Variants in DGKG observed in about 807,000 individuals in gnomAD.
DGKG encodes DAG kinase gamma.
A neutral mutation model predicts 105.3 loss-of-function variants in DGKG; 78 were observed. The observed-to-expected ratio is 0.74, with a 90% confidence interval of 0.62 to 0.89. The LOEUF (loss-of-function observed/expected upper bound fraction) is 0.89. Ranked by LOEUF, DGKG falls within the 40% of genes least tolerant of loss-of-function variation. The pLI is 0.00. For missense variants in DGKG, 958 were observed against 1,020.1 expected (o/e 0.94, Z 0.83); for synonymous variants, 346 against 367.1 (o/e 0.94, Z 0.66).
chr3:186,295,522 A>ATAG (rs1351246304), intron 5 of DGKG, among the ~76,000 whole-genome samples: 189 of 147,618 alleles, frequency 1.3e-3, no homozygotes, highest in Non-Finnish European at 2.3e-3. Context: ...AATAATAATA[A>ATAG]TAATAGTAAT....
intron 21 of DGKG, among the ~76,000 whole-genome samples, chr3:186,206,351 T>G (rs1259331069): frequency 6.6e-6 from 1 of 151,070 alleles, no homozygotes; most frequent in Non-Finnish European, 1.5e-5. Context: ...ACTACTGCAC[T>G]CCAGCCTGGC....
At chr3:186,299,415 A>C (rs1483315310) in intron 3 of DGKG, among the ~76,000 whole-genome samples, 1 of 151,992 alleles carries the variant, frequency 6.6e-6, no homozygotes, top group Non-Finnish European at 1.5e-5. Context: ...TGGCCTCCCC[A>C]CCCCACTGAG....
At chr3:186,273,694 G>A (rs548512767) in intron 10 of DGKG, among the ~76,000 whole-genome samples, 5 of 152,184 alleles carry the variant, frequency 3.3e-5, no homozygotes, top group South Asian at 4.1e-4. Flanking sequence ...TCTTTAGCCC[G>A]TTGATGCTTG....
chr3:186,299,763 TTTTC>T (rs1560141665), intron 3 of DGKG, among the ~76,000 whole-genome samples: 1 of 149,022 alleles, frequency 6.7e-6, no homozygotes, highest in African/African-American at 2.5e-5. Flanking sequence ...TTTTTTCTTC[TTTTC>T]TCTTTCTTTC....
At chr3:186,335,200 T>G (rs984643300) in intron 1 of DGKG, among the ~76,000 whole-genome samples, 8 of 152,064 alleles carry the variant, frequency 5.3e-5, no homozygotes, top group African/African-American at 1.9e-4. Context: ...GCCTCCCAAG[T>G]AACTGGGACA....
intron 14 of DGKG, 95 bp from the exon 15 acceptor site, chr3:186,261,873 G>A (rs544026763): frequency 1.3e-6 from 1 of 746,060 alleles, no homozygotes; most frequent in Non-Finnish European, 2.2e-6. Flanking sequence ...AGAGGCAGAT[G>A]AGAAGCAGGA....
intron 9 of DGKG, 36 bp downstream of exon 9, chr3:186,279,815 G>A: frequency 1.2e-6 from 2 of 1,606,628 alleles, no homozygotes; most frequent in Non-Finnish European, 1.7e-6. Context: ...GTTCCTGAAT[G>A]GCAAGAGATC....
intron 20 of DGKG, among the ~76,000 whole-genome samples, chr3:186,241,908 C>A (rs1209498950): frequency 1.3e-5 from 2 of 152,156 alleles, no homozygotes; most frequent in African/African-American, 4.8e-5. Context: ...CATTTTTGAA[C>A]CTAACTTGGT....
At chr3:186,285,230 G>A (rs1723008563) in intron 6 of DGKG, among the ~76,000 whole-genome samples, 1 of 152,202 alleles carries the variant, frequency 6.6e-6, no homozygotes, top group South Asian at 2.1e-4. Context: ...AGATTAATGT[G>A]TAACTGATAG....
chr3:186,235,853 G>T (rs1310849950), intron 20 of DGKG, among the ~76,000 whole-genome samples: 1 of 152,082 alleles, frequency 6.6e-6, no homozygotes, highest in Non-Finnish European at 1.5e-5. Context: ...CTGACCACAG[G>T]GCCACTTGCC....
At chr3:186,241,722 A>C (rs1239316823) in intron 20 of DGKG, among the ~76,000 whole-genome samples, 2 of 152,174 alleles carry the variant, frequency 1.3e-5, no homozygotes, top group African/African-American at 4.8e-5. Flanking sequence ...GAAATAGTAC[A>C]ACAAAGAAAA....
chr3:186,279,743 G>A (rs576543750), intron 9 of DGKG, 108 bp downstream of exon 9: 70 of 1,337,844 alleles, frequency 5.2e-5, no homozygotes, highest in East Asian at 9.6e-5. Context: ...GTCATGGCAC[G>A]TCTGTTGGGC....
chr3:186,204,984 C>G (rs1402828643), intron 21 of DGKG, among the ~76,000 whole-genome samples: 2 of 152,094 alleles, frequency 1.3e-5, no homozygotes, highest in Non-Finnish European at 2.9e-5. Flanking sequence ...AGGCCAGGTG[C>G]AGTGGCTCAT....
intron 19 of DGKG, among the ~76,000 whole-genome samples, chr3:186,250,987 A>T (rs189146169): frequency 5.3e-5 from 8 of 151,968 alleles, no homozygotes; most frequent in African/African-American, 1.9e-4. Flanking sequence ...CCTGGGAAGC[A>T]GTGCCCACTC....
chr3:186,219,037 T>C (rs1719438034), intron 20 of DGKG, among the ~76,000 whole-genome samples: 1 of 151,344 alleles, frequency 6.6e-6, no homozygotes, highest in African/African-American at 2.4e-5. Context: ...TTATAATTGA[T>C]AAATATTAGT....
intron 22 of DGKG, among the ~76,000 whole-genome samples, chr3:186,186,446 T>C (rs1717643607): frequency 1.3e-5 from 2 of 152,174 alleles, no homozygotes; most frequent in African/African-American, 2.4e-5. Context: ...GGGGAGCTCA[T>C]TAAAATTGAG....
chr3:186,290,460 G>A (rs945992495), intron 5 of DGKG, among the ~76,000 whole-genome samples: 1 of 152,138 alleles, frequency 6.6e-6, no homozygotes, highest in African/African-American at 2.4e-5. Flanking sequence ...ACTAAAATGG[G>A]CTAACAGAGA....
At chr3:186,173,460 C>T (rs1238760073) in intron 22 of DGKG, among the ~76,000 whole-genome samples, 1 of 152,248 alleles carries the variant, frequency 6.6e-6, no homozygotes, top group Non-Finnish European at 1.5e-5. Context: ...ACAGTGGGGC[C>T]AGATTCAGTC....
intron 21 of DGKG, among the ~76,000 whole-genome samples, chr3:186,201,680 G>C (rs1233677221): frequency 6.6e-6 from 1 of 152,154 alleles, no homozygotes; most frequent in East Asian, 1.9e-4. Flanking sequence ...CCTTTTTCTG[G>C]TAGCTTCCAA....
Sources: gnomAD v4.1 joint callset for allele counts (sites outside exome capture counted in the v4.1 genomes callset) on GRCh38, gnomAD v4.1.1 for gene constraint, MANE v1.5 for transcripts, NCBI Gene and HGNC (gene_info 2026-07-23, HGNC 2026-07-21) for gene names.